Variants in NTM observed in about 807,000 individuals in gnomAD.
The protein encoded by NTM is IgLON family member 2.
NTM carries 13 observed loss-of-function variants against 42.1 expected under a neutral mutation model. The ratio of observed to expected loss-of-function variants is 0.31; its 90% CI spans 0.20 to 0.49. The LOEUF (loss-of-function observed/expected upper bound fraction) is 0.49. Ranked by LOEUF, NTM falls within the 20% of genes least tolerant of loss-of-function variation. NTM has a pLI of 0.99. For missense variants in NTM, 373 were observed against 452.8 expected (o/e 0.82, Z 1.60); for synonymous variants, 187 against 179.2 (o/e 1.04, Z -0.35).
intron 1 of NTM, among the ~76,000 whole-genome samples, chr11:131,522,029 A>T (rs1320421045): frequency 6.6e-6 from 1 of 152,196 alleles, no homozygotes; most frequent in East Asian, 1.9e-4. Context: ...ATATGAAAGG[A>T]TCGCCAGGCA....
At chr11:131,673,476 T>A (rs873799) in intron 1 of NTM, among the ~76,000 whole-genome samples, 6,479 of 152,288 alleles carry the variant, frequency 0.043, 456 homozygotes, top group African/African-American at 0.15. Context: ...TGTGTGTATG[T>A]GTTTCAGTGT....
At chr11:132,086,335 A>AT (rs1199272264) in intron 2 of NTM, among the ~76,000 whole-genome samples, 2 of 151,876 alleles carry the variant, frequency 1.3e-5, no homozygotes, top group South Asian at 2.1e-4. Flanking sequence ...AAAAAAAAAA[A>AT]AAAAAATAGT....
At chr11:132,043,664 A>G (rs1420723230) in intron 2 of NTM, among the ~76,000 whole-genome samples, 1 of 152,224 alleles carries the variant, frequency 6.6e-6, no homozygotes, top group Non-Finnish European at 1.5e-5. Flanking sequence ...TCTCAAGCAC[A>G]TTATTCAAGT....
rs143598683 is a variant in NTM, at chr11:131,853,114, C to T, written c.83-58450C>T. 5.7e-4 allele frequency among the ~76,000 whole-genome samples: 86 copies of T among 152,020 alleles called. No individual in the cohort carries two copies. The East Asian group carries it at 0.013, about 22-fold the overall frequency. Reference sequence around the variant, plus strand: ...CAATCTACAAACATCTTTAGAGTACCTACTGTATGCCCAGAACTATACTAG... The same window carrying T: ...CAATCTACAAACATCTTTAGAGTACTTACTGTATGCCCAGAACTATACTAG... On this transcript the variant is annotated intron_variant, in intron 1 of 8. Transcript: ENST00000683400.
At chr11:131,860,398 G>T (rs1565639898) in intron 1 of NTM, among the ~76,000 whole-genome samples, 1 of 152,062 alleles carries the variant, frequency 6.6e-6, no homozygotes, top group African/African-American at 2.4e-5. Context: ...GTCCCAAGAG[G>T]GTCCCACAGA....
intron 1 of NTM, among the ~76,000 whole-genome samples, chr11:131,776,667 C>G (rs1404357376): frequency 1.3e-5 from 2 of 152,078 alleles, no homozygotes; most frequent in African/African-American, 2.4e-5. Context: ...CAAACAAATT[C>G]CAACATTGAA....
chr11:131,468,758 T>G (rs192415546), intron 1 of NTM, among the ~76,000 whole-genome samples: 6 of 152,160 alleles, frequency 3.9e-5, no homozygotes, highest in African/African-American at 7.2e-5. Context: ...AGTTTGCATA[T>G]CTTCAAAACT....
chr11:131,841,444 A>G lies in NTM; in HGVS notation c.83-70120A>G, dbSNP rs571143813. Among the ~76,000 whole-genome samples the G allele has an allele frequency of 4.6e-5, 7 of 152,352 alleles. No individual in the cohort carries two copies. The South Asian group carries it at 8.3e-4, about 18-fold the overall frequency. On this transcript the variant is annotated intron_variant, in intron 1 of 8. Transcript: ENST00000683400. ...CATTTTTGCACTCAAAGAGCTCACC[A>G]TCAAATACAGTGATTTCCAACCTTG... is the stretch of plus-strand genomic sequence containing the variant.
At chr11:131,608,525 T>C (rs2137507855) in intron 1 of NTM, among the ~76,000 whole-genome samples, 1 of 152,360 alleles carries the variant, frequency 6.6e-6, no homozygotes, top group African/African-American at 2.4e-5. Flanking sequence ...CCATCATTTC[T>C]TATGGTGACA....
At chr11:131,795,547 G>A (rs1410626643) in intron 1 of NTM, 1 of 985,298 alleles carries the variant, frequency 1.0e-6, no homozygotes, top group Non-Finnish European at 1.2e-6. Flanking sequence ...TGCTCTGTCA[G>A]GATACAGCAT....
intron 4 of NTM, among the ~76,000 whole-genome samples, chr11:132,282,434 G>A (rs1214828819): frequency 4.6e-5 from 7 of 152,106 alleles, no homozygotes; most frequent in Non-Finnish European, 8.8e-5. Flanking sequence ...ATTTTTTATT[G>A]TGATGTATAA....
intron 1 of NTM, among the ~76,000 whole-genome samples, chr11:131,502,274 CGAGA>C (rs1491158026): frequency 4.6e-5 from 7 of 151,634 alleles, no homozygotes. Flanking sequence ...GAAGGAGCCT[CGAGA>C]GAGAGAGAGT....
At chr11:131,844,409 G>A (rs1263444025) in intron 1 of NTM, among the ~76,000 whole-genome samples, 1 of 152,070 alleles carries the variant, frequency 6.6e-6, no homozygotes, top group East Asian at 1.9e-4. Flanking sequence ...TATCTGGTAG[G>A]ATGAGTCCCC....
At chr11:132,221,617 G>T (rs569722060) in intron 4 of NTM, among the ~76,000 whole-genome samples, 1 of 152,208 alleles carries the variant, frequency 6.6e-6, no homozygotes, top group African/African-American at 2.4e-5. Context: ...CAGCTGTAAG[G>T]GTGGGGTCCA....
intron 1 of NTM, among the ~76,000 whole-genome samples, chr11:131,755,344 C>T (rs1386749766): frequency 1.3e-5 from 2 of 152,016 alleles, no homozygotes; most frequent in African/African-American, 4.8e-5. Context: ...TGAAGACTGG[C>T]AAGGGAGTGG....
intron 3 of NTM, among the ~76,000 whole-genome samples, chr11:132,147,198 TGTGTGTGTGTGTGTGTGAGA>T (rs1178652146): frequency 6.2e-5 from 9 of 144,716 alleles, no homozygotes; most frequent in Admixed American, 2.7e-4. Context: ...TGTGTGTGTG[TGTGTGTGTGTGTGTGTGAGA>T]GAGAGAGAGA....
chr11:131,732,479 T>C (rs1283692602), intron 1 of NTM, among the ~76,000 whole-genome samples: 3 of 152,180 alleles, frequency 2.0e-5, no homozygotes, highest in African/African-American at 7.2e-5. Context: ...AACACAGAAT[T>C]GGTCATGCCG....
intron 1 of NTM, among the ~76,000 whole-genome samples, chr11:131,493,143 T>C (rs73572318): frequency 0.031 from 4,701 of 151,832 alleles, 246 homozygotes; most frequent in African/African-American, 0.11. Flanking sequence ...GGTGCTCAAG[T>C]GGGAGGATCA....
intron 3 of NTM, among the ~76,000 whole-genome samples, chr11:132,191,071 T>TG (rs2079242725): frequency 6.6e-6 from 1 of 152,142 alleles, no homozygotes; most frequent in African/African-American, 2.4e-5. Flanking sequence ...TGGATAGTAT[T>TG]TACCAGAGGG....
Sources: gnomAD v4.1 joint callset for allele counts (sites outside exome capture counted in the v4.1 genomes callset) on GRCh38, gnomAD v4.1.1 for gene constraint, MANE v1.5 for transcripts, NCBI Gene and HGNC (gene_info 2026-07-23, HGNC 2026-07-21) for gene names.